The following LRBA variants were observed in gnomAD, a reference collection of about 807,000 sequenced individuals.
The protein encoded by LRBA is LPS responsive beige-like anchor protein, also known as lipopolysaccharide-responsive and beige-like anchor protein.
In LRBA, 176 loss-of-function variants were observed where a neutral mutation model predicts 330.0. The observed-to-expected ratio is 0.53, with a 90% confidence interval of 0.47 to 0.60. LRBA has a LOEUF of 0.60. Ranked by LOEUF, LRBA falls within the 20% of genes least tolerant of loss-of-function variation. LRBA has a pLI of 0.00. For missense variants in LRBA, 3,259 were observed against 3,444.8 expected (o/e 0.95, Z 1.35); for synonymous variants, 1,230 against 1,193.0 (o/e 1.03, Z -0.64).
chr4:150,793,020 C>T (rs1249009317), intron 34 of LRBA, among the ~76,000 whole-genome samples: 1 of 151,694 alleles, frequency 6.6e-6, no homozygotes, highest in Non-Finnish European at 1.5e-5. Context: ...GCGGAGGTTG[C>T]AGTGAGCCAA....
chr4:150,431,401 G>C (rs1429975824), intron 46 of LRBA, among the ~76,000 whole-genome samples: 2 of 152,166 alleles, frequency 1.3e-5, no homozygotes, highest in Non-Finnish European at 2.9e-5. Flanking sequence ...ACTATCCCTT[G>C]ATGTGATTCC....
At chr4:150,896,283 C>T (rs530647012) in intron 16 of LRBA, 111 bp downstream of exon 16, 11 of 582,828 alleles carry the variant, frequency 1.9e-5, no homozygotes, top group African/African-American at 1.8e-4. Context: ...GACACATTTA[C>T]TCCCCATTAC....
At chr4:150,432,759 C>T (rs1750607489) in intron 46 of LRBA, among the ~76,000 whole-genome samples, 2 of 151,884 alleles carry the variant, frequency 1.3e-5, no homozygotes, top group African/African-American at 4.8e-5. Flanking sequence ...TTTAAATATA[C>T]TTTCTAAGGT....
At chr4:150,377,627 A>G (rs1741544490) in intron 47 of LRBA, among the ~76,000 whole-genome samples, 2 of 152,102 alleles carry the variant, frequency 1.3e-5, no homozygotes, top group African/African-American at 4.8e-5. Flanking sequence ...ACATGTACCC[A>G]CTTAGGAGAT....
At chr4:150,584,174 A>G in intron 40 of LRBA, 2 of 1,446,244 alleles carry the variant, frequency 1.4e-6, no homozygotes, top group Non-Finnish European at 9.1e-7. Flanking sequence ...CAACTCTGCT[A>G]TAAACAGCAG....
At chr4:150,572,580 G>C (rs1770003476) in intron 40 of LRBA, among the ~76,000 whole-genome samples, 1 of 152,040 alleles carries the variant, frequency 6.6e-6, no homozygotes. Context: ...GATTCTCACA[G>C]TTGCACAGAC....
chr4:150,511,858 T>C (rs767680029), intron 40 of LRBA, among the ~76,000 whole-genome samples: 3 of 152,214 alleles, frequency 2.0e-5, no homozygotes, highest in Non-Finnish European at 4.4e-5. Flanking sequence ...AGCCACTATA[T>C]AATACTCCCA....
At chr4:150,603,958 T>C (rs950317959) in intron 37 of LRBA, among the ~76,000 whole-genome samples, 1 of 152,140 alleles carries the variant, frequency 6.6e-6, no homozygotes, top group Non-Finnish European at 1.5e-5. Flanking sequence ...TTTGATCAGG[T>C]AGAACAAATG....
chr4:150,951,926 A>G (rs1479458650), intron 2 of LRBA, among the ~76,000 whole-genome samples: 1 of 152,240 alleles, frequency 6.6e-6, no homozygotes, highest in Admixed American at 6.5e-5. Flanking sequence ...AAAACTCAGC[A>G]TATGTTAAAA....
chr4:150,487,770 A>G lies in LRBA; in HGVS notation c.6513T>C (p.Arg2171=), dbSNP rs1758057195. ...ATCCAAAACTTGTTCCAACGCCAAC[A>G]CGAGGTAGATAGTTAACCACTTTCT... ...TVKKVVNYLP[R]VGVGTSFGLP... Residue 2171 remains arginine (R), a synonymous_variant, in exon 42 of 57, where the codon CGT becomes CGC. Coordinates refer to ENST00000651943, the MANE Select transcript of LRBA (RefSeq NM_001364905.1). 1 of 1,600,412 alleles carries G rather than the reference A, an allele frequency of 6.2e-7. No homozygotes were observed. The highest frequency in any genetic ancestry group is 1.7e-5 in the Admixed American group (1 of 59,730).
At chr4:150,276,989 G>C (rs1228090051) in intron 56 of LRBA, among the ~76,000 whole-genome samples, 1 of 152,128 alleles carries the variant, frequency 6.6e-6, no homozygotes, top group Admixed American at 6.5e-5. Flanking sequence ...GTTTATTGCG[G>C]CACTATTCAC....
chr4:150,787,787 T>G (rs1261940573), intron 34 of LRBA, among the ~76,000 whole-genome samples: 1 of 152,170 alleles, frequency 6.6e-6, no homozygotes, highest in Non-Finnish European at 1.5e-5. Flanking sequence ...TCCCCACCTC[T>G]CCTCCATCCT....
At chr4:150,986,122 G>A (rs995018237) in intron 2 of LRBA, among the ~76,000 whole-genome samples, 1 of 152,088 alleles carries the variant, frequency 6.6e-6, no homozygotes, top group Non-Finnish European at 1.5e-5. Context: ...AACATAGTCT[G>A]TTAAGGGTGC....
Position 150,277,834 on chromosome 4 carries a change from C to T in LRBA, c.8468+19G>A. The T allele has an allele frequency of 6.2e-7, 1 of 1,611,930 alleles. No homozygotes were observed. Among genetic ancestry groups the T allele is most frequent in the Non-Finnish European group, 8.5e-7 (1 of 1,178,342 alleles). On this transcript the variant is annotated intron_variant, in intron 56 of 56. Transcript: ENST00000651943. ...CAGTTTTTGAAACCCCTATTTGTAG[C>T]CCATGATTCCAGTGTTACCTCTGGT...
chr4:150,593,443 T>A (rs1276867404), intron 38 of LRBA, among the ~76,000 whole-genome samples: 1 of 152,178 alleles, frequency 6.6e-6, no homozygotes, highest in East Asian at 1.9e-4. Context: ...CAAGTTAACA[T>A]GCGTTTGACA....
intron 4 of LRBA, among the ~76,000 whole-genome samples, chr4:150,924,413 T>C (rs1733656186): frequency 2.0e-5 from 3 of 151,964 alleles, no homozygotes; most frequent in Admixed American, 1.3e-4. Flanking sequence ...CTTGGAAAGC[T>C]GAGGTGGGAG....
chr4:150,552,341 T>G (rs1766715710), intron 40 of LRBA, among the ~76,000 whole-genome samples: 1 of 152,026 alleles, frequency 6.6e-6, no homozygotes, highest in African/African-American at 2.4e-5. Flanking sequence ...CAGGAGTGTA[T>G]CTTGTACAAT....
chr4:150,780,649 G>A (rs1001179755), intron 34 of LRBA, among the ~76,000 whole-genome samples: 346 of 8,754 alleles, frequency 0.04, 2 homozygotes, highest in African/African-American at 0.083. Context: ...ATATATATGT[G>A]TATATATATA....
intron 48 of LRBA, among the ~76,000 whole-genome samples, chr4:150,346,757 C>CA (rs57119340): frequency 0.015 from 987 of 66,118 alleles, 121 homozygotes; most frequent in East Asian, 0.051. Flanking sequence ...GACTCTGTCT[C>CA]AAAAAAAAAA....
Sources: allele counts gnomAD v4.1 joint callset (sites outside exome capture counted in the v4.1 genomes callset), GRCh38; gene constraint gnomAD v4.1.1; transcripts MANE v1.5; gene names NCBI Gene and HGNC (gene_info 2026-07-23, HGNC 2026-07-21).